MYO1D: variants seen among roughly 807,000 people sequenced by gnomAD.
MYO1D encodes myosin ID, also known as unconventional myosin-Id.
In MYO1D, 83 loss-of-function variants were observed where a neutral mutation model predicts 122.0. That is an observed-to-expected ratio of 0.68 (90% CI 0.57 to 0.82). The LOEUF is 0.82. MYO1D is among the 40% of genes least tolerant of loss of function. MYO1D has a pLI of 0.00. For synonymous variants in MYO1D, 464 were observed against 446.9 expected (o/e 1.04, Z -0.48); for missense variants, 1,157 against 1,269.5 (o/e 0.91, Z 1.35).
At chr17:32,530,936 A>G (rs1007760915) in intron 21 of MYO1D, among the ~76,000 whole-genome samples, 1 of 151,954 alleles carries the variant, frequency 6.6e-6, no homozygotes, top group East Asian at 1.9e-4. Context: ...ACTGCAACTC[A>G]CCATTGAGTA....
intron 20 of MYO1D, among the ~76,000 whole-genome samples, chr17:32,626,179 A>C (rs2087925832): frequency 6.6e-6 from 1 of 152,240 alleles, no homozygotes; most frequent in African/African-American, 2.4e-5. Flanking sequence ...TCGCACCACC[A>C]GTGCCTGCCA....
rs75858422 is a variant in MYO1D at position 32,525,672 on chromosome 17, A to G, written c.2865-30757T>C. ...GGACCCAACTCTCTCTGCCCCAGAA[A>G]TATCAGTTCTGGGGCCGAGAGACAC... On this transcript the variant is annotated intron_variant, in intron 21 of 21. Coordinates refer to ENST00000318217, the MANE Select transcript of MYO1D (RefSeq NM_015194.3). 2.0e-5 allele frequency among the ~76,000 whole-genome samples: 3 copies of G among 152,222 alleles called. No individual in the cohort carries two copies. The East Asian group carries it at 5.8e-4, about 29-fold the overall frequency.
chr17:32,835,362 A>G (rs751614514), intron 1 of MYO1D, among the ~76,000 whole-genome samples: 15 of 152,146 alleles, frequency 9.9e-5, no homozygotes, highest in Non-Finnish European at 1.9e-4. Flanking sequence ...CTTCTGTCAC[A>G]GCACTGAAAA....
At chr17:32,854,411 C>T (rs1264001450) in intron 1 of MYO1D, among the ~76,000 whole-genome samples, 1 of 152,302 alleles carries the variant, frequency 6.6e-6, no homozygotes. Flanking sequence ...AGCAAAGTTC[C>T]ACCTGAAATA....
chr17:32,823,073 C>G (rs2090688999), intron 1 of MYO1D, among the ~76,000 whole-genome samples: 2 of 152,206 alleles, frequency 1.3e-5, no homozygotes, highest in African/African-American at 4.8e-5. Context: ...TTATTTCCCA[C>G]ATTCAGGAAG....
chr17:32,561,275 T>C (rs1330909281), intron 21 of MYO1D, among the ~76,000 whole-genome samples: 2 of 152,180 alleles, frequency 1.3e-5, no homozygotes, highest in Admixed American at 6.5e-5. Context: ...CCGGCACTTA[T>C]AACATCCATC....
intron 19 of MYO1D, among the ~76,000 whole-genome samples, chr17:32,648,253 C>T (rs1014786560): frequency 1.3e-5 from 2 of 151,994 alleles, no homozygotes; most frequent in African/African-American, 2.4e-5. Flanking sequence ...GCCTCTATCA[C>T]GTTGAGTTGA....
chr17:32,664,197 A>AT (rs1451137435), intron 16 of MYO1D, among the ~76,000 whole-genome samples: 1 of 152,166 alleles, frequency 6.6e-6, no homozygotes, highest in East Asian at 1.9e-4. Context: ...ATCTAAGCAT[A>AT]TTTGGTTTAA....
chr17:32,859,011 A>C (rs2151086135), intron 1 of MYO1D, among the ~76,000 whole-genome samples: 1 of 152,312 alleles, frequency 6.6e-6, no homozygotes, highest in East Asian at 1.9e-4. Flanking sequence ...CCCTGGAATT[A>C]CCCATTTCTC....
intron 21 of MYO1D, among the ~76,000 whole-genome samples, chr17:32,506,614 A>T (rs1909510269): frequency 1.3e-5 from 2 of 152,250 alleles, no homozygotes; most frequent in Admixed American, 1.3e-4. Context: ...TAATGGAATA[A>T]ATACATTTAA....
chr17:32,567,038 C>G (rs763734487), intron 21 of MYO1D, among the ~76,000 whole-genome samples: 1 of 151,308 alleles, frequency 6.6e-6, no homozygotes, highest in South Asian at 2.1e-4. Flanking sequence ...GCAGATGATG[C>G]GGCTGCAGGC....
intron 8 of MYO1D, among the ~76,000 whole-genome samples, chr17:32,763,360 A>G (rs1467310195): frequency 6.6e-6 from 1 of 152,146 alleles, no homozygotes; most frequent in Non-Finnish European, 1.5e-5. Flanking sequence ...AACAACAACA[A>G]CGAAAGTTAG....
At chr17:32,732,721 T>C (rs111493445) in intron 14 of MYO1D, among the ~76,000 whole-genome samples, 1,934 of 152,298 alleles carry the variant, frequency 0.013, 44 homozygotes, top group African/African-American at 0.044. Context: ...CAGAATCCAC[T>C]GAATGGCAGG....
intron 1 of MYO1D, among the ~76,000 whole-genome samples, chr17:32,869,525 C>T (rs1328592590): frequency 6.6e-6 from 1 of 152,172 alleles, no homozygotes; most frequent in African/African-American, 2.4e-5. Context: ...CAAACCAGTT[C>T]CAGTGGCAGC....
At chr17:32,739,939 G>T (rs1250728932) in intron 13 of MYO1D, among the ~76,000 whole-genome samples, 2 of 152,184 alleles carry the variant, frequency 1.3e-5, no homozygotes, top group African/African-American at 4.8e-5. Flanking sequence ...AGCAAGCAGT[G>T]CCAACTACTG....
chr17:32,857,724 G>A (rs1450499557), intron 1 of MYO1D, among the ~76,000 whole-genome samples: 1 of 152,058 alleles, frequency 6.6e-6, no homozygotes, highest in Non-Finnish European at 1.5e-5. Flanking sequence ...GCATACCTAA[G>A]TCTTATTCAC....
In MYO1D at chr17:32,669,607, G is replaced by T. The variant is rs569660294; in HGVS notation, c.2122-10269C>A. On this transcript the variant is annotated intron_variant, in intron 16 of 21. Coordinates refer to ENST00000318217, the MANE Select transcript of MYO1D (RefSeq NM_015194.3). ...CTGTCTTTTGTGAGTTAAATTTGCAGGCCCCAGGCACTGAATCTAAGCAGG... is the reference window on the plus strand; with the variant it reads ...CTGTCTTTTGTGAGTTAAATTTGCATGCCCCAGGCACTGAATCTAAGCAGG... Among the ~76,000 whole-genome samples, 5 of 152,250 alleles carry T rather than the reference G, an allele frequency of 3.3e-5. No homozygotes were observed. The East Asian group carries it at 9.6e-4, about 29-fold the overall frequency.
intron 14 of MYO1D, among the ~76,000 whole-genome samples, chr17:32,729,754 TG>T (rs1286179427): frequency 6.6e-6 from 1 of 152,132 alleles, no homozygotes; most frequent in African/African-American, 2.4e-5. Context: ...AGTTAGAACC[TG>T]GGGTCTTGGA....
chr17:32,771,675 CTCA>C (rs1237325941), intron 5 of MYO1D, among the ~76,000 whole-genome samples: 1 of 152,176 alleles, frequency 6.6e-6, no homozygotes, highest in African/African-American at 2.4e-5. Context: ...ACAGCTTTTC[CTCA>C]TCAATCTGTA....
Sources: allele counts gnomAD v4.1 joint callset (sites outside exome capture counted in the v4.1 genomes callset), GRCh38; gene constraint gnomAD v4.1.1; transcripts MANE v1.5; gene names NCBI Gene and HGNC (gene_info 2026-07-23, HGNC 2026-07-21).